The following CLPX variants were observed in gnomAD, a reference collection of about 807,000 sequenced individuals.
The protein encoded by CLPX is caseinolytic mitochondrial matrix peptidase chaperone subunit X.
In CLPX, 34 loss-of-function variants were observed where a neutral mutation model predicts 76.4. The ratio of observed to expected loss-of-function variants is 0.45; its 90% confidence interval spans 0.34 to 0.59. CLPX has a LOEUF of 0.59. Ranked by LOEUF, CLPX falls within the 20% of genes least tolerant of loss-of-function variation. The pLI is 0.01. For missense variants in CLPX, 613 were observed against 757.0 expected (o/e 0.81, Z 2.23); for synonymous variants, 248 against 270.9 (o/e 0.92, Z 0.83).
intron 3 of CLPX, among the ~76,000 whole-genome samples, chr15:65,178,067 T>C (rs778154582): frequency 1.1e-4 from 16 of 152,206 alleles, no homozygotes; most frequent in Non-Finnish European, 2.1e-4. Context: ...GTGCTGGGAT[T>C]ACAGGTGTGA....
chr15:65,167,623 C>A (rs1029205011), intron 3 of CLPX, among the ~76,000 whole-genome samples: 2 of 151,740 alleles, frequency 1.3e-5, no homozygotes, highest in African/African-American at 4.8e-5. Flanking sequence ...TGCCTGTAAT[C>A]CCAGCACTTT....
chr15:65,168,383 C>CAAAAAAAAAA lies in CLPX; in HGVS notation c.359-1608_359-1599dup, dbSNP rs71136319. Among the ~76,000 whole-genome samples, 216 of 35,654 alleles carry CAAAAAAAAAA rather than the reference C, an allele frequency of 6.1e-3. 41 individuals are homozygous for CAAAAAAAAAA. The highest frequency in any genetic ancestry group is 9.7e-3 in the African/African-American group (77 of 7,912). 23.4% of individuals were successfully genotyped at this position (35,654 alleles called of 152,430 possible). ...TGGGCGACAAAGTGAGACTCTGTCT[C>CAAAAAAAAAA]AAAAAAAAAAAAAAAAAAAAAAAAA... On this transcript the variant is annotated intron_variant, in intron 3 of 13. Coordinates refer to ENST00000300107, the MANE Select transcript of CLPX (RefSeq NM_006660.5).
intron 1 of CLPX, among the ~76,000 whole-genome samples, chr15:65,181,071 C>T (rs927625479): frequency 6.6e-6 from 1 of 151,502 alleles, no homozygotes; most frequent in Non-Finnish European, 1.5e-5. Flanking sequence ...TGCTAGCAGG[C>T]GTCTGTAATC....
chr15:65,164,312 C>A (rs1464332618), intron 4 of CLPX, 124 bp from the exon 5 acceptor site: 7 of 675,146 alleles, frequency 1.0e-5, no homozygotes, highest in African/African-American at 9.1e-5. Flanking sequence ...TCATTAAAAA[C>A]AAAATGACAA....
chr15:65,160,506 G>C (rs1185042388), intron 6 of CLPX, among the ~76,000 whole-genome samples: 1 of 151,952 alleles, frequency 6.6e-6, no homozygotes, highest in Admixed American at 6.6e-5. Context: ...AGGGGCTTGG[G>C]TTAAGTTTAG....
intron 6 of CLPX, among the ~76,000 whole-genome samples, chr15:65,159,442 C>G (rs1394827549): frequency 6.6e-6 from 1 of 152,132 alleles, no homozygotes; most frequent in African/African-American, 2.4e-5. Flanking sequence ...GAAACCCCAT[C>G]TCTACTAAAA....
At chr15:65,179,517 T>C (rs1309537652) in intron 2 of CLPX, among the ~76,000 whole-genome samples, 1 of 152,182 alleles carries the variant, frequency 6.6e-6, no homozygotes, top group East Asian at 1.9e-4. Flanking sequence ...TTGTCTAACA[T>C]ATAAAATTAA....
chr15:65,179,060 T>C lies in CLPX; in HGVS notation c.241-9A>G. 6.5e-7 allele frequency: 1 copy of C among 1,550,152 alleles called. No homozygotes were observed. The highest frequency in any genetic ancestry group is 8.9e-7 in the Non-Finnish European group (1 of 1,125,510). On this transcript the variant is annotated splice_polypyrimidine_tract_variant and intron_variant, in intron 2 of 13. Transcript: ENST00000300107. ...CCCTCACTTGCTGATTTCTAACGTT[T>C]ATGAAGGAGAAAAAAGGAAGAGTGT...
rs2087678184 is a variant in CLPX at position 65,148,237 on chromosome 15, T to G, written c.*2586A>C. Reference sequence around the variant, plus strand: ...CGTTGGCTTTCATTTAGTCTTTTTGTTTTATTCAAATGTCAAAATGTAAGT... The same window carrying G: ...CGTTGGCTTTCATTTAGTCTTTTTGGTTTATTCAAATGTCAAAATGTAAGT... On this transcript the variant is annotated 3_prime_UTR_variant, in exon 14 of 14. Transcript: ENST00000300107. 1 of 152,240 alleles carries G rather than the reference T, an allele frequency of 6.6e-6. No homozygotes were observed. The highest frequency in any genetic ancestry group is 1.5e-5 in the Non-Finnish European group (1 of 68,040). 9.4% of individuals were successfully genotyped at this position (152,240 alleles called of 1,614,324 possible).
intron 8 of CLPX, 27 bp from the exon 9 acceptor site, chr15:65,156,959 T>C: frequency 2.7e-6 from 4 of 1,491,320 alleles, no homozygotes; most frequent in Non-Finnish European, 3.7e-6. Flanking sequence ...ATTCTATTTA[T>C]AATACGAAAA....
chr15:65,181,898 C>A (rs2088178444), intron 1 of CLPX, among the ~76,000 whole-genome samples: 1 of 151,418 alleles, frequency 6.6e-6, no homozygotes, highest in East Asian at 1.9e-4. Context: ...CCCAGGGGGG[C>A]AGATCATAAG....
At chr15:65,160,592 TTCTCTCTCTCTC>T (rs1226717522) in intron 6 of CLPX, among the ~76,000 whole-genome samples, 2 of 118,450 alleles carry the variant, frequency 1.7e-5, no homozygotes, top group Middle Eastern at 4.0e-3. Context: ...CATTCACTCA[TTCTCTCTCTCTC>T]TCTCTCTCTC....
intron 3 of CLPX, among the ~76,000 whole-genome samples, chr15:65,168,856 T>C (rs1407911846): frequency 6.6e-6 from 1 of 151,818 alleles, no homozygotes; most frequent in South Asian, 2.1e-4. Flanking sequence ...TTTATTTTTC[T>C]TTTCTCTTTT....
intron 3 of CLPX, among the ~76,000 whole-genome samples, chr15:65,167,748 C>T (rs554573524): frequency 6.6e-6 from 1 of 150,724 alleles, no homozygotes; most frequent in Admixed American, 6.6e-5. Flanking sequence ...ATTAGCTGGG[C>T]GTGGTGGCAG....
chr15:65,185,213 A>G lies in CLPX; in HGVS notation c.-60T>C. On this transcript the variant is annotated 5_prime_UTR_variant, in exon 1 of 14. Transcript: ENST00000300107. The stretch of plus-strand genomic sequence containing the variant: ...AGGACCTCCGGGTCACAGCGGCGTG[A>G]ATCCTGCCCGCAAGGCGCGCTGACT... 7.1e-7 allele frequency: 1 copy of G among 1,413,670 alleles called. No homozygotes were observed. Among genetic ancestry groups the G allele is most frequent in the African/African-American group, 1.4e-5 (1 of 70,454 alleles). 87.6% of individuals were successfully genotyped at this position (1,413,670 alleles called of 1,614,324 possible).
At chr15:65,183,771 T>C (rs974740822) in intron 1 of CLPX, among the ~76,000 whole-genome samples, 4 of 152,208 alleles carry the variant, frequency 2.6e-5, no homozygotes, top group Non-Finnish European at 5.9e-5. Flanking sequence ...GTATTATTCT[T>C]TGTCTACTCC....
In CLPX at chr15:65,185,089, G is replaced by A. The variant is rs1474543424; in HGVS notation, c.65C>T (p.Ala22Val). Reference sequence around the variant, plus strand: ...TATTTCGTTACCTCTCTGCGCGGAGGCGAGTGAGGAGGTGATGAGCCGGAC... The same window carrying A: ...TATTTCGTTACCTCTCTGCGCGGAGACGAGTGAGGAGGTGATGAGCCGGAC... ...AAVRLITSSLASAQRGISGGR... is the reference protein window; with the variant it reads ...AAVRLITSSLVSAQRGISGGR... Residue 22 changes from alanine (A) to valine (V), a missense_variant, in exon 1 of 14, where the codon GCC becomes GTC. By Grantham distance (64) the Ala-to-Val change is moderately conservative. Coordinates refer to ENST00000300107, the MANE Select transcript of CLPX (RefSeq NM_006660.5). 3 of 1,581,498 alleles carry A rather than the reference G, an allele frequency of 1.9e-6. No individual in the cohort carries two copies. The highest frequency in any genetic ancestry group is 2.3e-5 in the South Asian group (2 of 86,168).
chr15:65,178,734 A>G (rs140593733), intron 3 of CLPX, among the ~76,000 whole-genome samples, 200 bp downstream of exon 3: 2 of 151,574 alleles, frequency 1.3e-5, no homozygotes, highest in Non-Finnish European at 2.9e-5. Context: ...AGGTGTCTCA[A>G]CATGTTGCCC....
intron 3 of CLPX, among the ~76,000 whole-genome samples, chr15:65,174,974 T>A (rs1435226961): frequency 6.6e-6 from 1 of 152,172 alleles, no homozygotes; most frequent in African/African-American, 2.4e-5. Context: ...AAATCACACG[T>A]TCAATGAAGA....
Sources: gnomAD v4.1 joint callset for allele counts (sites outside exome capture counted in the v4.1 genomes callset) on GRCh38, gnomAD v4.1.1 for gene constraint, MANE v1.5 for transcripts, NCBI Gene and HGNC (gene_info 2026-07-23, HGNC 2026-07-21) for gene names.